Variants in RADIL observed in about 807,000 individuals in gnomAD.
RADIL encodes ras-associating and dilute domain-containing protein.
RADIL carries 99 observed loss-of-function variants against 97.6 expected under a neutral mutation model. That is an observed-to-expected ratio of 1.01 (90% confidence interval 0.86 to 1.20). The LOEUF is 1.20. Among genes scored for constraint, RADIL ranks in the 50% most tolerant of loss-of-function variants. The pLI, the probability that RADIL is intolerant of heterozygous loss-of-function variation, is 0.00. For synonymous variants in RADIL, 803 were observed against 691.8 expected, an observed-to-expected ratio of 1.16 and a Z score of -2.52; for missense variants, 1,765 against 1,498.9, an observed-to-expected ratio of 1.18 and a Z score of -2.93.
intron 9 of RADIL, among the ~76,000 whole-genome samples, chr7:4,807,561 CTCCCTCT>C (rs1782357071): frequency 8.4e-6 from 1 of 119,128 alleles, no homozygotes; most frequent in Non-Finnish European, 1.8e-5. Flanking sequence ...CCCCTCCCTC[CTCCCTCT>C]CCTTCTCTCT....
At chr7:4,875,317 T>G (rs1182289319) in intron 2 of RADIL, among the ~76,000 whole-genome samples, 1 of 149,568 alleles carries the variant, frequency 6.7e-6, no homozygotes, top group Non-Finnish European at 1.5e-5. Flanking sequence ...CGTTTGAACC[T>G]GGGAGGCAGA....
Position 4,805,554 on chromosome 7 carries a change from G to T in RADIL, c.2290+12C>A, listed in dbSNP as rs887381138. The T allele has an allele frequency of 6.3e-7, 1 of 1,578,758 alleles. No individual in the cohort carries two copies. The highest frequency in any genetic ancestry group is 8.6e-7 in the Non-Finnish European group (1 of 1,159,826). ...AGTCCCCAGCCCTCTCCTGCCCTGG[G>T]GCAGGGCTTACCTGACCTGAAGGCC... On this transcript the variant is annotated intron_variant, in intron 10 of 14. Transcript: ENST00000399583.
Position 4,815,174 on chromosome 7 carries a change from C to G in RADIL, c.2139+104G>C, listed in dbSNP as rs1782645051. 2.2e-6 allele frequency: 3 copies of G among 1,362,582 alleles called. No individual in the cohort carries two copies. Among genetic ancestry groups the G allele is most frequent in the Non-Finnish European group, 2.9e-6 (3 of 1,032,928 alleles). 84.4% of individuals were successfully genotyped at this position (1,362,582 alleles called of 1,614,324 possible). ...CTACGGTAGCTTTGAGGTTTCCAGC[C>G]AAGAAGCCCCGTCCCGGCCCCCAGG... On this transcript the variant is annotated intron_variant, in intron 9 of 14. Coordinates refer to ENST00000399583, the MANE Select transcript of RADIL (RefSeq NM_018059.5). The surrounding 1 kb of genome is among the most constrained non-coding windows in gnomAD (Gnocchi z 8.0).
chr7:4,875,127 G>A, intron 2 of RADIL, among the ~76,000 whole-genome samples: 1 of 144,498 alleles, frequency 6.9e-6, no homozygotes, highest in African/African-American at 2.9e-5. Context: ...GGGAGGCGGA[G>A]CTTGCAGTGA....
chr7:4,834,903 C>T lies in RADIL; in HGVS notation c.1120G>A (p.Ala374Thr). The T allele has an allele frequency of 2.0e-6, 3 of 1,517,860 alleles. No individual in the cohort carries two copies. Among genetic ancestry groups the T allele is most frequent in the Non-Finnish European group, 2.6e-6 (3 of 1,133,284 alleles). The allele number at this position is 1,517,860 out of a possible 1,614,324, so 94.0% of individuals were successfully genotyped here. A position where few individuals can be genotyped will look rare whatever the true frequency, so the allele number is the denominator to read the frequency against. Residue 374 changes from alanine (A) to threonine (T), a missense_variant, in exon 4 of 15, where the codon GCT becomes ACT. Transcript: ENST00000399583. This position sits in a 1 kb window ranked among gnomAD's most constrained non-coding sequence, Gnocchi z 6.0. Reference sequence around the variant, plus strand: ...CACAGCCGGCAGCTCTGCGGCACAGCCCGGAGGCGCGCCAAGGCCCGGGCG... The same window carrying T: ...CACAGCCGGCAGCTCTGCGGCACAGTCCGGAGGCGCGCCAAGGCCCGGGCG... ...LPARALARLR[A>T]VPQSCRLCGA...
At position 4,837,603 on chromosome 7, in the gene RADIL, ACACACACATG is replaced by A. The variant is rs111280886; in HGVS notation, c.536-1008_536-999del. 2.0e-3 allele frequency among the ~76,000 whole-genome samples: 306 copies of A among 152,272 alleles called. 4 individuals are homozygous for A. The highest frequency in any genetic ancestry group is 4.2e-3 in the African/African-American group (173 of 41,564). ...TACACATGCACCCACACAAAAATGC[ACACACACATG>A]CACACACATGCACCCAAAAACACAC... On this transcript the variant is annotated intron_variant, in intron 2 of 14. Coordinates refer to ENST00000399583, the MANE Select transcript of RADIL (RefSeq NM_018059.5). This position sits in a 1 kb window ranked among gnomAD's most constrained non-coding sequence, Gnocchi z 5.6.
chr7:4,841,111 C>A (rs1783428437), intron 2 of RADIL, among the ~76,000 whole-genome samples: 1 of 152,242 alleles, frequency 6.6e-6, no homozygotes, highest in South Asian at 2.1e-4. Context: ...AAGCGCCAGA[C>A]CCTGCTGTGG....
chr7:4,802,715 A>AG (rs1782145174), intron 11 of RADIL, among the ~76,000 whole-genome samples: 1 of 39,484 alleles, frequency 2.5e-5, no homozygotes, highest in African/African-American at 1.3e-4. Flanking sequence ...TCCCCTCCCC[A>AG]GGCACCTCGG....
intron 10 of RADIL, 129 bp from the exon 11 acceptor site, chr7:4,803,883 C>A (rs1458192948): frequency 1.2e-6 from 1 of 860,606 alleles, no homozygotes; most frequent in Admixed American, 2.0e-5. Context: ...CCTGTGGACA[C>A]AGGAGGCTGG....
intron 2 of RADIL, chr7:4,860,970 C>G (rs756101041): frequency 3.7e-6 from 6 of 1,614,174 alleles, no homozygotes; most frequent in Non-Finnish European, 5.1e-6. Flanking sequence ...TTTGGCCATT[C>G]CCATTCTGAA....
intron 2 of RADIL, chr7:4,860,577 T>C: frequency 1.2e-6 from 2 of 1,614,238 alleles, no homozygotes; most frequent in Non-Finnish European, 1.7e-6. Context: ...GCCAGTGTAA[T>C]AAATTCATTC....
chr7:4,800,402 G>A (rs945644051), intron 12 of RADIL, 92 bp from the exon 13 acceptor site: 16 of 1,297,524 alleles, frequency 1.2e-5, no homozygotes, highest in South Asian at 6.6e-5. Context: ...TCTGTAGGGC[G>A]TCAGGGATGG....
intron 9 of RADIL, chr7:4,809,719 G>A: frequency 1.2e-6 from 1 of 842,584 alleles, no homozygotes. Context: ...GTTTCGCTCT[G>A]TCGCCCAGGC....
intron 2 of RADIL, among the ~76,000 whole-genome samples, chr7:4,838,630 C>A (rs1236533477): frequency 6.6e-6 from 1 of 152,212 alleles, no homozygotes; most frequent in Non-Finnish European, 1.5e-5. Context: ...ACGCAGGGGC[C>A]ACTCCCAGGG....
intron 11 of RADIL, among the ~76,000 whole-genome samples, chr7:4,802,205 G>A (rs1369624399): frequency 4.6e-5 from 7 of 152,230 alleles, no homozygotes; most frequent in African/African-American, 1.2e-4. Context: ...CAGGACTCCC[G>A]GGGTTCCCAG....
At chr7:4,866,885 T>C (rs1435848604) in intron 2 of RADIL, among the ~76,000 whole-genome samples, 1 of 152,192 alleles carries the variant, frequency 6.6e-6, no homozygotes, top group African/African-American at 2.4e-5. Context: ...GTGCTCACCG[T>C]AGTAAATGAG....
chr7:4,866,490 C>A (rs905789470), intron 2 of RADIL, among the ~76,000 whole-genome samples: 1 of 152,144 alleles, frequency 6.6e-6, no homozygotes, highest in Admixed American at 6.5e-5. Context: ...TCTGGCAAAT[C>A]AATATCTAGA....
rs78582031 is a variant in RADIL at position 4,852,434 on chromosome 7, C to T, written c.536-15829G>A. ...AGGCCAGTGGCACCTTTTTACCTTC[C>T]GTTTCCTCCTATTATTTATTTATGT... On this transcript the variant is annotated intron_variant, in intron 2 of 14. Transcript: ENST00000399583. Among the ~76,000 whole-genome samples the T allele has an allele frequency of 6.0e-3, 918 of 152,124 alleles. 8 individuals carry two copies. Among genetic ancestry groups the T allele is most frequent in the African/African-American group, 0.021 (889 of 41,494 alleles).
chr7:4,820,473 CGTG>C (rs901145477), intron 6 of RADIL, among the ~76,000 whole-genome samples: 3 of 152,218 alleles, frequency 2.0e-5, no homozygotes, highest in African/African-American at 7.2e-5. Context: ...TGCCCCATCA[CGTG>C]GGGGGCAAGG....
Sources: gnomAD v4.1 joint callset for allele counts (sites outside exome capture counted in the v4.1 genomes callset) on GRCh38, gnomAD v4.1.1 for gene constraint, Gnocchi (gnomAD v3.1) non-coding constraint, MANE v1.5 for transcripts, NCBI Gene and HGNC (gene_info 2026-07-23, HGNC 2026-07-21) for gene names.